FGF13: variants seen among roughly 807,000 people sequenced by gnomAD.
FGF13 encodes fibroblast growth factor homologous factor 2.
Under a neutral mutation model 19.5 loss-of-function variants are expected in FGF13, and 2 were observed. The observed-to-expected ratio is 0.10, with a 90% CI of 0.04 to 0.32. FGF13 has a LOEUF of 0.32. Among genes scored for constraint, FGF13 ranks in the 10% least tolerant of loss-of-function variants. FGF13 has a pLI of 1.00. For missense variants in FGF13, 113 were observed against 192.7 expected, an observed-to-expected ratio of 0.59 and a Z score of 2.45; for synonymous variants, 72 against 76.9, an observed-to-expected ratio of 0.94 and a Z score of 0.33.
In FGF13 at chrX:138,708,829, T is replaced by A. The variant is rs973173977; in HGVS notation, c.287A>T (p.Asp96Val). Reference sequence around the variant, plus strand: ...TTGCAGTCACTTACTGTAAGTGCTGTCCTCATCTTTGGTGCCATCAATGGT... The same window carrying A: ...TTGCAGTCACTTACTGTAAGTGCTGACCTCATCTTTGGTGCCATCAATGGT... ...DGTIDGTKDE[D>V]STYTLFNLIP... The change falls in exon 2 of 5, where the codon GAC becomes GTC. Residue 96 changes from aspartate (D) to valine (V), a missense_variant. Physicochemically the swap from Asp to Val is radical, Grantham distance 152 (BLOSUM62 -3). Transcript: ENST00000315930. 2 of 1,196,766 alleles carry A rather than the reference T, an allele frequency of 1.7e-6. No homozygotes were observed. Among genetic ancestry groups the A allele is most frequent in the Non-Finnish European group, 2.3e-6 (2 of 882,942 alleles).
chrX:138,874,504 A>G (rs2091377418), intron 1 of FGF13, among the ~76,000 whole-genome samples: 1 of 111,530 alleles, frequency 9.0e-6, no homozygotes, highest in South Asian at 3.8e-4. Context: ...CTTACTATAT[A>G]TGAGATATTC....
At chrX:138,826,939 T>C (rs1284105988) in intron 3 of FGF13, among the ~76,000 whole-genome samples, 1 of 112,166 alleles carries the variant, frequency 8.9e-6, no homozygotes, top group Non-Finnish European at 1.9e-5. Context: ...TAAAGCACAG[T>C]AAACTGAAAG....
rs780529242 is a variant in FGF13 at position 138,783,700 on chromosome X, C to G, written c.217+73812G>C. 5.8e-3 allele frequency among the ~76,000 whole-genome samples: 602 copies of G among 103,872 alleles called. 3 individuals carry two copies. Among genetic ancestry groups the G allele is most frequent in the Middle Eastern group, 0.04 (8 of 202 alleles). The allele number at this position is 103,872 out of a possible 115,157, so 90.2% of individuals were successfully genotyped here. On this transcript the variant is annotated intron_variant, in intron 3 of 6. Transcript: ENST00000436198. ...GAGAGGATGTGGAGAAATAGGAACA[C>G]TTTTACACTGTTGGTGGGACTGTCA...
intron 1 of FGF13, among the ~76,000 whole-genome samples, chrX:138,940,473 G>A: frequency 9.0e-6 from 1 of 111,468 alleles, no homozygotes; most frequent in Non-Finnish European, 1.9e-5. Context: ...TGTTGCAATT[G>A]CTTTTGGGGT....
At chrX:138,766,711 G>A (rs906467093) in intron 3 of FGF13, among the ~76,000 whole-genome samples, 10 of 111,738 alleles carry the variant, frequency 8.9e-5, no homozygotes, top group Admixed American at 1.9e-4. Context: ...TAATGCTAAC[G>A]ATAGAACATG....
intron 1 of FGF13, among the ~76,000 whole-genome samples, chrX:138,726,831 C>T (rs1277122887): frequency 9.0e-6 from 1 of 111,665 alleles, no homozygotes; most frequent in East Asian, 2.8e-4. Context: ...TGTTATTACT[C>T]CTAACTTTTG....
chrX:138,694,141 C>T (rs935408562), intron 3 of FGF13, among the ~76,000 whole-genome samples: 20 of 111,530 alleles, frequency 1.8e-4, no homozygotes, highest in African/African-American at 6.2e-4. Flanking sequence ...ATTAGGTCTT[C>T]GATTGTCACA....
At chrX:139,085,039 C>T (rs897714361) in intron 1 of FGF13, among the ~76,000 whole-genome samples, 1 of 111,680 alleles carries the variant, frequency 9.0e-6, no homozygotes, top group Non-Finnish European at 1.9e-5. Flanking sequence ...ACTTACAGTT[C>T]CACAGAAATT....
At chrX:138,906,500 C>G (rs7056214) in intron 1 of FGF13, among the ~76,000 whole-genome samples, 5,979 of 111,602 alleles carry the variant, frequency 0.054, 419 homozygotes, top group African/African-American at 0.18. Context: ...TTTTTGAGCC[C>G]TACATTCCAG....
chrX:139,195,415 C>G (rs1460477412), intron 1 of FGF13, among the ~76,000 whole-genome samples: 1 of 112,224 alleles, frequency 8.9e-6, no homozygotes, highest in Non-Finnish European at 1.9e-5. Context: ...TCAAAGTCAC[C>G]ATTGAAAGAA....
chrX:138,641,649 C>T (rs1435345764), intron 3 of FGF13, among the ~76,000 whole-genome samples: 1 of 111,917 alleles, frequency 8.9e-6, no homozygotes, highest in Non-Finnish European at 1.9e-5. Context: ...CAGGCTTCCC[C>T]TCCACCAGTG....
chrX:139,116,277 G>T (rs1443191825), intron 1 of FGF13, among the ~76,000 whole-genome samples: 3 of 111,950 alleles, frequency 2.7e-5, no homozygotes, highest in Non-Finnish European at 5.6e-5. Context: ...AACATAGTGG[G>T]ATGTTCATTT....
At chrX:139,124,359 A>G (rs1277068497) in intron 1 of FGF13, among the ~76,000 whole-genome samples, 2 of 112,161 alleles carry the variant, frequency 1.8e-5, no homozygotes, top group African/African-American at 6.5e-5. Flanking sequence ...ACTAAGGCCC[A>G]TCAGATATGG....
intron 1 of FGF13, among the ~76,000 whole-genome samples, chrX:138,900,977 C>T (rs1343926477): frequency 8.9e-6 from 1 of 111,937 alleles, no homozygotes; most frequent in Non-Finnish European, 1.9e-5. Flanking sequence ...AATACCAACT[C>T]GACCCCACCT....
intron 3 of FGF13, among the ~76,000 whole-genome samples, chrX:138,849,457 T>C (rs2091207930): frequency 8.9e-6 from 1 of 112,190 alleles, no homozygotes; most frequent in African/African-American, 3.2e-5. Context: ...TGTATTCTCT[T>C]CAACCAGGCA....
Position 138,926,534 on chromosome X carries a change from G to C in FGF13, c.-112-61884C>G, listed in dbSNP as rs150922654. Among the ~76,000 whole-genome samples the C allele has an allele frequency of 2.7e-5, 3 of 111,057 alleles. No individual in the cohort carries two copies. The East Asian group carries it at 8.5e-4, about 31-fold the overall frequency. On this transcript the variant is annotated intron_variant, in intron 1 of 2. Coordinates refer to the FGF13 transcript ENST00000421460. ...TCAATGTGGGCCTCATTGACATTGT[G>C]AGCGATAAGCAAAGACTTGAATGAG... is the stretch of plus-strand genomic sequence containing the variant.
chrX:139,097,314 AAAAAAAAATCAC>A (rs931831514), intron 1 of FGF13, among the ~76,000 whole-genome samples: 2 of 110,247 alleles, frequency 1.8e-5, no homozygotes, highest in Non-Finnish European at 3.8e-5. Context: ...TGATGACCTA[AAAAAAAAATCAC>A]AAAAAAAATC....
chrX:138,642,284 C>CAAAAG (rs919620736), intron 3 of FGF13, among the ~76,000 whole-genome samples: 1 of 111,089 alleles, frequency 9.0e-6, no homozygotes, highest in African/African-American at 3.3e-5. Flanking sequence ...AAAAGCAAAA[C>CAAAAG]AATACTTAAG....
chrX:138,931,946 TC>T (rs776214203), intron 1 of FGF13, among the ~76,000 whole-genome samples: 3 of 111,127 alleles, frequency 2.7e-5, no homozygotes, highest in Non-Finnish European at 3.8e-5. Context: ...GTTTCCCATG[TC>T]CATTCCCCAA....
Sources: allele counts gnomAD v4.1 joint callset (sites outside exome capture counted in the v4.1 genomes callset), GRCh38; gene constraint gnomAD v4.1.1; transcripts MANE v1.5; gene names NCBI Gene and HGNC (gene_info 2026-07-23, HGNC 2026-07-21).